Variants in TRIM24 observed in about 807,000 individuals in gnomAD.
The protein encoded by TRIM24 is tripartite motif containing 24.
A neutral mutation model predicts 123.9 loss-of-function variants in TRIM24; 29 were observed. That is an observed-to-expected ratio of 0.23 (90% CI 0.17 to 0.32). The LOEUF (loss-of-function observed/expected upper bound fraction) is 0.32, where lower values mean the gene tolerates loss of function less well. Ranked by LOEUF, TRIM24 falls within the 10% of genes least tolerant of loss-of-function variation. The pLI, the probability that TRIM24 is intolerant of heterozygous loss-of-function variation, is 1.00. For synonymous variants in TRIM24, 456 were observed against 461.1 expected (o/e 0.99, Z 0.14); for missense variants, 932 against 1,295.3 (o/e 0.72, Z 4.31).
chr7:138,468,983 T>G (rs1307517494), intron 1 of TRIM24, among the ~76,000 whole-genome samples: 1 of 152,208 alleles, frequency 6.6e-6, no homozygotes, highest in African/African-American at 2.4e-5. Context: ...TTAGGGGGCT[T>G]ATTCACCTGA....
At chr7:138,502,280 C>T (rs577299630) in intron 1 of TRIM24, among the ~76,000 whole-genome samples, 2 of 152,298 alleles carry the variant, frequency 1.3e-5, no homozygotes, top group East Asian at 3.9e-4. Flanking sequence ...CTGTTCTGTG[C>T]ATTTACTCAT....
chr7:138,545,406 G>T (rs1449464741), intron 7 of TRIM24: 1 of 456,540 alleles, frequency 2.2e-6, no homozygotes, highest in African/African-American at 2.0e-5. Context: ...GTTACATTGA[G>T]TAAATAAGTA....
intron 16 of TRIM24, 42 bp from the exon 17 acceptor site, chr7:138,581,655 T>G (rs1797897916): frequency 6.7e-7 from 1 of 1,502,738 alleles, no homozygotes; most frequent in African/African-American, 1.4e-5. Flanking sequence ...GAATTCATTG[T>G]TTTATAATAT....
At chr7:138,483,547 T>C (rs1795577846) in intron 1 of TRIM24, among the ~76,000 whole-genome samples, 1 of 152,226 alleles carries the variant, frequency 6.6e-6, no homozygotes, top group Non-Finnish European at 1.5e-5. Flanking sequence ...TATAAGCATA[T>C]AGATATTCCC....
At chr7:138,508,693 G>GTGCA (rs1563038780) in intron 2 of TRIM24, among the ~76,000 whole-genome samples, 1 of 27,830 alleles carries the variant, frequency 3.6e-5, no homozygotes, top group Non-Finnish European at 9.6e-5. Context: ...GTGTGTGTGT[G>GTGCA]CGCGCGCGTG....
At chr7:138,466,207 C>A (rs1795132819) in intron 1 of TRIM24, among the ~76,000 whole-genome samples, 1 of 152,104 alleles carries the variant, frequency 6.6e-6, no homozygotes, top group Non-Finnish European at 1.5e-5. Flanking sequence ...GTTGGCCAGG[C>A]TGGTCTTGAA....
chr7:138,474,133 T>C (rs1485074105), intron 1 of TRIM24, among the ~76,000 whole-genome samples: 1 of 150,580 alleles, frequency 6.6e-6, no homozygotes, highest in East Asian at 2.0e-4. Flanking sequence ...TTTTTCTTTT[T>C]TTTTTTTTTT....
chr7:138,525,885 T>C (rs1236500160), intron 5 of TRIM24, among the ~76,000 whole-genome samples: 1 of 152,214 alleles, frequency 6.6e-6, no homozygotes, highest in Non-Finnish European at 1.5e-5. Flanking sequence ...GTTATGCCTT[T>C]TGCCCTGGTA....
intron 2 of TRIM24, among the ~76,000 whole-genome samples, chr7:138,509,965 T>C (rs1379448516): frequency 6.6e-6 from 1 of 152,166 alleles, no homozygotes; most frequent in Non-Finnish European, 1.5e-5. Flanking sequence ...GGACTCAGGC[T>C]TCTGACGGGC....
At position 138,588,869 on chromosome 7, in the gene TRIM24, TGGTGGCGGGTGCC is replaced by T. The variant is rs1798060977; in HGVS notation, c.*3919_*3931del. On this transcript the variant is annotated 3_prime_UTR_variant, in exon 19 of 19. Coordinates refer to ENST00000343526, the MANE Select transcript of TRIM24 (RefSeq NM_015905.3). ...AATATACAAAAAAATTAGCTGGGTG[TGGTGGCGGGTGCC>T]TGTAATCTCAGCTACTTTGGGATGC... The T allele has an allele frequency of 2.0e-5, 3 of 151,864 alleles. No homozygotes were observed. Among genetic ancestry groups the T allele is most frequent in the African/African-American group, 7.3e-5 (3 of 41,264 alleles). The allele number at this position is 151,864 out of a possible 1,614,324, so 9.4% of individuals were successfully genotyped here.
intron 7 of TRIM24, among the ~76,000 whole-genome samples, chr7:138,545,278 C>T (rs1354171153): frequency 6.6e-6 from 1 of 152,046 alleles, no homozygotes; most frequent in Non-Finnish European, 1.5e-5. Flanking sequence ...GAGGTCACTG[C>T]ACATTGGAGA....
chr7:138,462,366 A>G (rs1231647716), intron 1 of TRIM24, among the ~76,000 whole-genome samples: 43 of 123,778 alleles, frequency 3.5e-4, no homozygotes, highest in Non-Finnish European at 5.2e-4. Flanking sequence ...TTTGAGACGG[A>G]GTCTCGCTCT....
At chr7:138,577,156 T>TAAA (rs1294523547) in intron 13 of TRIM24, among the ~76,000 whole-genome samples, 2 of 152,342 alleles carry the variant, frequency 1.3e-5, no homozygotes, top group East Asian at 3.9e-4. Context: ...TGCCTAATTG[T>TAAA]AAAGCCTCAG....
intron 14 of TRIM24, among the ~76,000 whole-genome samples, chr7:138,578,309 G>A (rs1435002048): frequency 6.6e-6 from 1 of 152,136 alleles, no homozygotes; most frequent in Non-Finnish European, 1.5e-5. Flanking sequence ...AAACACCTGA[G>A]TACGAATGTA....
intron 1 of TRIM24, among the ~76,000 whole-genome samples, chr7:138,461,872 TTAAG>T (rs1279013039): frequency 4.6e-5 from 7 of 152,212 alleles, no homozygotes; most frequent in South Asian, 2.1e-4. Context: ...AAAATGCTAA[TTAAG>T]TAATTATGCT....
intron 5 of TRIM24, among the ~76,000 whole-genome samples, chr7:138,528,787 C>A (rs867211041): frequency 6.9e-5 from 7 of 101,298 alleles, no homozygotes; most frequent in South Asian, 4.0e-4. Context: ...ACCCCCACCC[C>A]CCCCCCCATC....
At chr7:138,577,385 C>A in intron 13 of TRIM24, 35 bp from the exon 14 acceptor site, 2 of 1,462,294 alleles carry the variant, frequency 1.4e-6, no homozygotes, top group Non-Finnish European at 1.8e-6. Context: ...GCTTAACATT[C>A]TTAGATTGCT....
intron 10 of TRIM24, 85 bp from the exon 11 acceptor site, chr7:138,570,745 A>G: frequency 1.4e-6 from 2 of 1,399,074 alleles, no homozygotes; most frequent in East Asian, 2.4e-5. Context: ...GAACTCTTCT[A>G]CTTCATTTTG....
intron 6 of TRIM24, among the ~76,000 whole-genome samples, chr7:138,533,814 G>C (rs1053494016): frequency 2.0e-5 from 3 of 152,150 alleles, no homozygotes; most frequent in African/African-American, 7.2e-5. Flanking sequence ...TTGTACCTCT[G>C]GTAGAATTTG....
Sources: allele counts gnomAD v4.1 joint callset (sites outside exome capture counted in the v4.1 genomes callset), GRCh38; gene constraint gnomAD v4.1.1; transcripts MANE v1.5; gene names NCBI Gene and HGNC (gene_info 2026-07-23, HGNC 2026-07-21).